FLI1: variants seen among roughly 807,000 people sequenced by gnomAD.
The protein encoded by FLI1 is Fli-1 proto-oncogene, ETS transcription factor, also known as Friend leukemia integration 1 transcription factor.
A neutral mutation model predicts 53.1 loss-of-function variants in FLI1; 13 were observed. The observed-to-expected ratio is 0.24, with a 90% confidence interval of 0.16 to 0.39. The LOEUF is 0.39. Ranked by LOEUF, FLI1 falls within the 10% of genes least tolerant of loss-of-function variation. FLI1 has a pLI of 1.00. For synonymous variants in FLI1, 244 were observed against 236.7 expected (o/e 1.03, Z -0.28); for missense variants, 424 against 600.5 (o/e 0.71, Z 3.07).
intron 1 of FLI1, 71 bp downstream of exon 1, chr11:128,694,347 C>G (rs1033274744): frequency 2.6e-6 from 3 of 1,174,464 alleles, no homozygotes; most frequent in Non-Finnish European, 2.2e-6. Context: ...CGGGTAGGTG[C>G]GGGGCCCGCG....
intron 5 of FLI1, among the ~76,000 whole-genome samples, chr11:128,786,330 G>A (rs1165487141): frequency 1.3e-5 from 2 of 152,200 alleles, no homozygotes; most frequent in African/African-American, 2.4e-5. Flanking sequence ...TAAAGGTATA[G>A]GTAAGTGAAG....
chr11:128,744,786 A>G (rs187238279), intron 1 of FLI1, among the ~76,000 whole-genome samples: 1 of 152,254 alleles, frequency 6.6e-6, no homozygotes, highest in Non-Finnish European at 1.5e-5. Context: ...AAAGAAAATT[A>G]TCGTGGGGAA....
chr11:128,748,204 T>C, intron 1 of FLI1: 1 of 925,604 alleles, frequency 1.1e-6, no homozygotes, highest in Admixed American at 6.2e-5. Flanking sequence ...TAAAGTACTT[T>C]CGTCTGCAAA....
intron 4 of FLI1, among the ~76,000 whole-genome samples, chr11:128,775,614 CA>C (rs1467111103): frequency 6.6e-6 from 1 of 152,238 alleles, no homozygotes; most frequent in East Asian, 1.9e-4. Flanking sequence ...TCCCCCGTGA[CA>C]ACCAGCACTT....
chr11:128,768,461 C>T, intron 3 of FLI1, 189 bp downstream of exon 3: 1 of 631,600 alleles, frequency 1.6e-6, no homozygotes, highest in Non-Finnish European at 2.8e-6. Flanking sequence ...ACGGGTGAAT[C>T]ACTTGTCAGG....
chr11:128,773,645 C>T (rs867875876), intron 4 of FLI1, among the ~76,000 whole-genome samples: 2 of 148,638 alleles, frequency 1.3e-5, no homozygotes, highest in African/African-American at 5.0e-5. Flanking sequence ...TACTCTAGCA[C>T]CAAGCGCCCA....
intron 1 of FLI1, 128 bp downstream of exon 1, chr11:128,694,404 G>A (rs1368152386): frequency 7.8e-6 from 6 of 764,486 alleles, no homozygotes; most frequent in Non-Finnish European, 1.1e-5. Flanking sequence ...CCCCGGCTTC[G>A]CGCCGGCTCC....
intron 1 of FLI1, among the ~76,000 whole-genome samples, chr11:128,701,565 C>T (rs1363272150): frequency 6.6e-6 from 1 of 152,194 alleles, no homozygotes; most frequent in Non-Finnish European, 1.5e-5. Flanking sequence ...CAAAATTGCT[C>T]ATCCCTACAA....
rs1469861187 is a variant in FLI1 at position 128,812,844 on chromosome 11, T to TC, written c.*1856_*1857insC. On this transcript the variant is annotated 3_prime_UTR_variant, in exon 9 of 9. Transcript: ENST00000527786. ...CCAGGACTTTATGGCTCATGCAGAT[T>TC]TTTAAGGTCATTTTTCTTCCCAAGG... is the stretch of plus-strand genomic sequence containing the variant. 5 of 185,742 alleles carry TC rather than the reference T, an allele frequency of 2.7e-5. No homozygotes were observed. Among genetic ancestry groups the TC allele is most frequent in the African/African-American group, 7.0e-5 (3 of 42,932 alleles). 11.5% of individuals were successfully genotyped at this position (185,742 alleles called of 1,614,324 possible).
chr11:128,747,956 A>G (rs1940472328), intron 1 of FLI1, among the ~76,000 whole-genome samples: 1 of 152,190 alleles, frequency 6.6e-6, no homozygotes. Context: ...TTTAACTTTG[A>G]TCTTTAGAGA....
At chr11:128,798,249 T>A (rs1942502755) in intron 5 of FLI1, among the ~76,000 whole-genome samples, 1 of 152,184 alleles carries the variant, frequency 6.6e-6, no homozygotes, top group Admixed American at 6.5e-5. Context: ...GTTAATCTAG[T>A]CAGTATGAAT....
chr11:128,730,937 A>G (rs1555112692), intron 1 of FLI1, among the ~76,000 whole-genome samples: 1 of 152,230 alleles, frequency 6.6e-6, no homozygotes, highest in Non-Finnish European at 1.5e-5. Context: ...TTTGCCTTGA[A>G]AATGAAGAAA....
rs142714648 is a variant in FLI1 at position 128,718,547 on chromosome 11, G to A, written c.18+24271G>A. 3.3e-5 allele frequency among the ~76,000 whole-genome samples: 5 copies of A among 152,346 alleles called. No homozygotes were observed. In the East Asian group the frequency reaches 5.8e-4, roughly 18 times the overall value. On this transcript the variant is annotated intron_variant, in intron 1 of 8. Transcript: ENST00000527786. ...CCAATGGAGAAACCAGGACTGGGGCGGGAAGGAGTAGGTGGTAAGATTCTT... is the reference window on the plus strand; with the variant it reads ...CCAATGGAGAAACCAGGACTGGGGCAGGAAGGAGTAGGTGGTAAGATTCTT...
chr11:128,809,057 C>G, intron 7 of FLI1, 100 bp from the exon 8 acceptor site: 1 of 896,210 alleles, frequency 1.1e-6, no homozygotes, highest in Middle Eastern at 2.4e-4. Context: ...TTCCTGTGAT[C>G]TTGAAATAAA....
intron 3 of FLI1, among the ~76,000 whole-genome samples, chr11:128,771,282 C>T (rs1941545351): frequency 6.6e-6 from 1 of 152,238 alleles, no homozygotes; most frequent in African/African-American, 2.4e-5. Flanking sequence ...ACTCTCCTAA[C>T]TCCTCCCCTT....
At chr11:128,766,950 T>TTTTCCTTGGCCTTCCCATCG (rs1941363372) in intron 2 of FLI1, among the ~76,000 whole-genome samples, 4 of 151,026 alleles carry the variant, frequency 2.6e-5, no homozygotes, top group Non-Finnish European at 5.9e-5. Context: ...CGGCTACAGC[T>TTTTCCTTGGCCTTCCCATCG]TCTCCTTGGC....
chr11:128,737,405 C>T (rs548306589), intron 1 of FLI1, among the ~76,000 whole-genome samples: 6 of 152,300 alleles, frequency 3.9e-5, no homozygotes, highest in South Asian at 4.1e-4. Context: ...CCCACCACAC[C>T]GGAACACGAG....
chr11:128,764,290 G>A (rs1236328472), intron 2 of FLI1, among the ~76,000 whole-genome samples: 2 of 152,204 alleles, frequency 1.3e-5, no homozygotes, highest in East Asian at 1.9e-4. Context: ...GAAACCAGTA[G>A]CAATGTTCAC....
intron 5 of FLI1, among the ~76,000 whole-genome samples, chr11:128,798,018 C>G (rs1180740893): frequency 6.6e-6 from 1 of 152,074 alleles, no homozygotes; most frequent in Non-Finnish European, 1.5e-5. Context: ...AGGGCAACCT[C>G]GCTGTGAACA....
Sources: gnomAD v4.1 joint callset for allele counts (sites outside exome capture counted in the v4.1 genomes callset) on GRCh38, gnomAD v4.1.1 for gene constraint, MANE v1.5 for transcripts, NCBI Gene and HGNC (gene_info 2026-07-23, HGNC 2026-07-21) for gene names.